The following CES5A variants were observed in gnomAD, a reference collection of about 807,000 sequenced individuals.
CES5A encodes the protein carboxylesterase 5A.
A neutral mutation model predicts 62.9 loss-of-function variants in CES5A; 67 were observed. The observed-to-expected ratio is 1.07, with a 90% CI of 0.88 to 1.31. The LOEUF (loss-of-function observed/expected upper bound fraction) is 1.31, where lower values mean the gene tolerates loss of function less well. Ranked by LOEUF, CES5A falls within the 50% of genes most tolerant of loss-of-function variation. The probability of loss-of-function intolerance (pLI) is 0.00; values close to 1 mark genes in which losing one functional copy is unlikely to be tolerated. For synonymous variants in CES5A, 296 were observed against 280.8 expected, an observed-to-expected ratio of 1.05 and a Z score of -0.54; for missense variants, 748 against 708.5, an observed-to-expected ratio of 1.06 and a Z score of -0.63.
At chr16:55,893,281 C>G (rs146691357) in intron 1 of CES5A, among the ~76,000 whole-genome samples, 13 of 151,920 alleles carry the variant, frequency 8.6e-5, no homozygotes, top group African/African-American at 2.9e-4. Context: ...TTAAATTGAT[C>G]AGATCAGACC....
At chr16:55,878,200 G>A (rs1253757032), upstream of CES5A, among the ~76,000 whole-genome samples, 3 of 152,078 alleles carry the variant, frequency 2.0e-5, no homozygotes, top group Non-Finnish European at 4.4e-5. Flanking sequence ...TTAAAACATA[G>A]GTTAATCTAC....
chr16:55,856,258 T>C, intron 9 of CES5A, 119 bp downstream of exon 9: 1 of 840,054 alleles, frequency 1.2e-6, no homozygotes. Context: ...TAAAGGTCTA[T>C]TGAATGACTG....
chr16:55,871,877 G>C (rs1446638937), intron 2 of CES5A, 114 bp from the exon 3 acceptor site: 4 of 1,096,588 alleles, frequency 3.6e-6, no homozygotes, highest in Non-Finnish European at 5.3e-6. Flanking sequence ...CTGAGCAGAA[G>C]AGGCAGCTAC....
intron 1 of CES5A, among the ~76,000 whole-genome samples, chr16:55,920,039 C>T (rs1011015672): frequency 2.6e-5 from 4 of 152,150 alleles, no homozygotes; most frequent in Admixed American, 6.5e-5. Context: ...ACCCTTCCCC[C>T]ACCAGCAGGA....
At chr16:55,928,530 T>C (rs1465975926), upstream of CES5A, among the ~76,000 whole-genome samples, 5 of 152,192 alleles carry the variant, frequency 3.3e-5, no homozygotes. Flanking sequence ...ATACAGTTCA[T>C]TTATGTAACC....
intron 7 of CES5A, among the ~76,000 whole-genome samples, chr16:55,860,709 A>G (rs2033335339): frequency 6.6e-6 from 1 of 152,210 alleles, no homozygotes. Context: ...AGATTTGGGT[A>G]GAAAGGAGCA....
At chr16:55,932,916 G>T (rs1353390698) in intron 2 of CES5A, among the ~76,000 whole-genome samples, 1 of 152,222 alleles carries the variant, frequency 6.6e-6, no homozygotes, top group African/African-American at 2.4e-5. Flanking sequence ...TTAATTAGGT[G>T]ACTATTCCAC....
At position 55,849,868 on chromosome 16, in the gene CES5A, CA is replaced by C. The variant is rs146458954; in HGVS notation, c.1274-96del. ...CTATCAAGTCTTGGATGTATAGACC[CA>C]GGGGTGGGACAGCTCAGAGACAGCT... On this transcript the variant is annotated intron_variant, in intron 10 of 12. Coordinates refer to ENST00000290567, the MANE Select transcript of CES5A (RefSeq NM_001143685.2). The C allele has an allele frequency of 2.2e-3, 2,982 of 1,374,316 alleles. 49 individuals are homozygous for C. In the South Asian group the frequency reaches 0.026, roughly 12 times the overall value. The allele number at this position is 1,374,316 out of a possible 1,614,324, so 85.1% of individuals were successfully genotyped here. A position where few individuals can be genotyped will look rare whatever the true frequency, so the allele number is the denominator to read the frequency against.
intron 1 of CES5A, among the ~76,000 whole-genome samples, chr16:55,880,522 A>G (rs1284367449): frequency 6.6e-6 from 1 of 152,104 alleles, no homozygotes; most frequent in African/African-American, 2.4e-5. Context: ...TCCCTGCCTC[A>G]GGCTCTGCTT....
At chr16:55,952,108 G>A (rs1298227484) in intron 1 of CES5A, among the ~76,000 whole-genome samples, 4 of 152,084 alleles carry the variant, frequency 2.6e-5, no homozygotes, top group Admixed American at 2.0e-4. Context: ...GGGACAAAAT[G>A]TAATAAAATT....
intron 2 of CES5A, among the ~76,000 whole-genome samples, chr16:55,945,008 C>T (rs139231985): frequency 1.7e-4 from 26 of 152,220 alleles, no homozygotes; most frequent in East Asian, 7.7e-4. Flanking sequence ...TGATTTGAAC[C>T]GGTCACTCAA....
At chr16:55,869,854 G>T in intron 3 of CES5A, 110 bp from the exon 4 acceptor site, 1 of 1,419,952 alleles carries the variant, frequency 7.0e-7, no homozygotes, top group Non-Finnish European at 9.4e-7. Context: ...CACTTGCTAA[G>T]CAGGGTGCGA....
intron 2 of CES5A, among the ~76,000 whole-genome samples, chr16:55,939,464 C>T (rs944877430): frequency 3.9e-5 from 6 of 152,102 alleles, no homozygotes; most frequent in Non-Finnish European, 8.8e-5. Context: ...AAGACCAGAA[C>T]TCAAAGTTCT....
At chr16:55,870,438 G>T (rs1181028446) in intron 3 of CES5A, among the ~76,000 whole-genome samples, 28 of 152,186 alleles carry the variant, frequency 1.8e-4, no homozygotes, top group African/African-American at 6.0e-4. Flanking sequence ...AGTGGCTCAC[G>T]CCTGTAATCC....
chr16:55,863,284 T>A, intron 6 of CES5A, 64 bp downstream of exon 6: 1 of 898,126 alleles, frequency 1.1e-6, no homozygotes, highest in East Asian at 2.4e-5. Flanking sequence ...GGTGAGAAGG[T>A]GCCTGACCAC....
intron 5 of CES5A, 130 bp from the exon 6 acceptor site, chr16:55,863,582 T>C: frequency 7.9e-6 from 5 of 633,360 alleles, no homozygotes; most frequent in Non-Finnish European, 1.4e-5. Flanking sequence ...AAAAAAGCCC[T>C]GGTTTAGGGG....
upstream of CES5A, among the ~76,000 whole-genome samples, chr16:55,927,794 T>C (rs1597153444): frequency 6.6e-6 from 1 of 152,302 alleles, no homozygotes; most frequent in East Asian, 1.9e-4. Context: ...GAAAAGAGGT[T>C]ACTATATTTT....
intron 2 of CES5A, chr16:55,871,980 G>A: frequency 1.9e-6 from 1 of 513,114 alleles, no homozygotes; most frequent in South Asian, 2.1e-5. Context: ...TCCTGGGTAG[G>A]AAAGCACATG....
At chr16:55,907,230 C>T (rs1178561190) in intron 1 of CES5A, among the ~76,000 whole-genome samples, 1 of 152,102 alleles carries the variant, frequency 6.6e-6, no homozygotes, top group African/African-American at 2.4e-5. Context: ...TGTTTCTGAA[C>T]GAAACTCCAG....
Sources: allele counts gnomAD v4.1 joint callset (sites outside exome capture counted in the v4.1 genomes callset), GRCh38; gene constraint gnomAD v4.1.1; transcripts MANE v1.5; gene names NCBI Gene and HGNC (gene_info 2026-07-23, HGNC 2026-07-21).